The following FAM193A variants were observed in gnomAD, a reference collection of about 807,000 sequenced individuals.
FAM193A encodes the protein protein FAM193A.
FAM193A carries 22 observed loss-of-function variants against 126.5 expected under a neutral mutation model. The observed-to-expected ratio is 0.17, with a 90% CI of 0.12 to 0.25. FAM193A has a LOEUF of 0.25. Ranked by LOEUF, FAM193A falls within the 10% of genes least tolerant of loss-of-function variation. FAM193A has a pLI of 1.00. For missense variants in FAM193A, 1,675 were observed against 1,672.8 expected (o/e 1.00, Z -0.02); for synonymous variants, 761 against 646.8 (o/e 1.18, Z -2.68).
At chr4:2,619,719 T>C (rs372671491) in intron 2 of FAM193A, among the ~76,000 whole-genome samples, 47 of 152,228 alleles carry the variant, frequency 3.1e-4, no homozygotes, top group African/African-American at 1.1e-3. Flanking sequence ...AATGTCTCTC[T>C]CTGTCACCCA....
At chr4:2,636,780 A>C (rs1020940230) in intron 5 of FAM193A, among the ~76,000 whole-genome samples, 10 of 152,138 alleles carry the variant, frequency 6.6e-5, no homozygotes, top group African/African-American at 2.4e-4. Context: ...TTAGCCACAG[A>C]TTGTGTCACT....
intron 12 of FAM193A, 141 bp downstream of exon 12, chr4:2,663,429 C>A (rs1385516338): frequency 4.9e-6 from 3 of 611,902 alleles, no homozygotes; most frequent in Middle Eastern, 4.5e-4. Context: ...GGCATACTTA[C>A]AATCTCCATT....
chr4:2,662,870 C>T lies in FAM193A; in HGVS notation c.1778C>T (p.Ser593Leu), dbSNP rs752797710. 1 of 1,611,610 alleles carries T rather than the reference C, an allele frequency of 6.2e-7. No homozygotes were observed. Among genetic ancestry groups the T allele is most frequent in the Non-Finnish European group, 8.5e-7 (1 of 1,177,922 alleles). The change falls in exon 11 of 21, where the codon TCA becomes TTA. Residue 593 changes from serine to leucine, a missense_variant. This residue lies in a region of FAM193A where 1,186 missense variants were observed against 1,109.2 expected (regional missense o/e 1.07). Coordinates refer to ENST00000637812, the MANE Select transcript of FAM193A (RefSeq NM_001366318.2). The stretch of plus-strand genomic sequence containing the variant: ...GATGATGAAGATGTTGCACCATTGT[C>T]AGCCAAATTTGCTGATATTTATCCA... ...CSDDEDVAPL[S>L]AKFADIYPLS... is the part of the protein sequence containing the mutation.
chr4:2,628,234 C>T (rs148638992), intron 4 of FAM193A, among the ~76,000 whole-genome samples: 1 of 152,192 alleles, frequency 6.6e-6, no homozygotes, highest in African/African-American at 2.4e-5. Context: ...TTCCTGGAGG[C>T]AGGGATAGTG....
intron 1 of FAM193A, among the ~76,000 whole-genome samples, chr4:2,581,270 T>TG (rs1253594975): frequency 6.8e-6 from 1 of 147,898 alleles, no homozygotes; most frequent in Non-Finnish European, 1.5e-5. Context: ...TTTTTTTTTT[T>TG]GGAGGTGGAG....
chr4:2,554,271 G>T (rs538125953), intron 1 of FAM193A, among the ~76,000 whole-genome samples: 3 of 152,108 alleles, frequency 2.0e-5, no homozygotes, highest in African/African-American at 7.2e-5. Context: ...TTTTAGTAGA[G>T]ACGGGATTTC....
At chr4:2,649,293 T>A (rs892550404) in intron 7 of FAM193A, among the ~76,000 whole-genome samples, 1 of 149,736 alleles carries the variant, frequency 6.7e-6, no homozygotes, top group Non-Finnish European at 1.5e-5. Context: ...GAGGATCACT[T>A]AAGACCAAGA....
chr4:2,566,828 A>G (rs533867255), intron 1 of FAM193A, among the ~76,000 whole-genome samples: 6 of 152,370 alleles, frequency 3.9e-5, no homozygotes, highest in Non-Finnish European at 7.3e-5. Context: ...TCCTTTTGTA[A>G]CAATAGTGTC....
intron 20 of FAM193A, among the ~76,000 whole-genome samples, 181 bp from the exon 21 acceptor site, chr4:2,731,594 C>T (rs937480212): frequency 1.3e-4 from 20 of 152,034 alleles, no homozygotes; most frequent in African/African-American, 4.6e-4. Context: ...TTCCCCTTCT[C>T]AAGTGCAGCC....
At chr4:2,565,280 A>AG (rs1738873900) in intron 1 of FAM193A, among the ~76,000 whole-genome samples, 1 of 14,556 alleles carries the variant, frequency 6.9e-5, no homozygotes, top group Non-Finnish European at 1.4e-4. Context: ...TTTTTTTAAA[A>AG]GATGCAGTCT....
At chr4:2,682,203 C>T (rs1031380254) in intron 13 of FAM193A, among the ~76,000 whole-genome samples, 3 of 152,090 alleles carry the variant, frequency 2.0e-5, no homozygotes, top group African/African-American at 7.2e-5. Context: ...CCAGGATGGT[C>T]TCGATCTCCT....
At chr4:2,545,921 G>C (rs1343262750) in intron 1 of FAM193A, among the ~76,000 whole-genome samples, 1 of 152,084 alleles carries the variant, frequency 6.6e-6, no homozygotes, top group Non-Finnish European at 1.5e-5. Flanking sequence ...AGGCTGAGGC[G>C]GGCGGATTAT....
At chr4:2,655,726 T>C (rs1711596983) in intron 7 of FAM193A, among the ~76,000 whole-genome samples, 1 of 150,830 alleles carries the variant, frequency 6.6e-6, no homozygotes, top group African/African-American at 2.4e-5. Context: ...AGCCCAGGAG[T>C]TTGAGGCCAA....
intron 5 of FAM193A, among the ~76,000 whole-genome samples, chr4:2,638,151 A>G (rs891239469): frequency 1.8e-4 from 27 of 152,168 alleles, no homozygotes; most frequent in African/African-American, 6.0e-4. Context: ...CTAGTTGCCA[A>G]CCTGGTCTGA....
chr4:2,575,748 G>C (rs1434159990), intron 1 of FAM193A, among the ~76,000 whole-genome samples: 2 of 152,006 alleles, frequency 1.3e-5, no homozygotes, highest in Admixed American at 1.3e-4. Context: ...TTACAGACGT[G>C]AGCCATCGCG....
chr4:2,542,348 C>G (rs917255674), intron 1 of FAM193A, among the ~76,000 whole-genome samples: 1 of 152,058 alleles, frequency 6.6e-6, no homozygotes, highest in Non-Finnish European at 1.5e-5. Flanking sequence ...CCTTGTTGGC[C>G]AAGCTGGTCT....
At position 2,670,446 on chromosome 4, in the gene FAM193A, C is replaced by A. The variant is rs558659366; in HGVS notation, c.2080-1675C>A. 5.3e-5 allele frequency among the ~76,000 whole-genome samples: 8 copies of A among 152,182 alleles called. No homozygotes were observed. In the East Asian group the frequency reaches 1.3e-3, roughly 26 times the overall value. On this transcript the variant is annotated intron_variant, in intron 12 of 20. Transcript: ENST00000637812. ...TAACCGTTTGACTATTTATTTCCTGCATGTGGGTCACACTTTTTTTTTTCC... is the reference window on the plus strand; with the variant it reads ...TAACCGTTTGACTATTTATTTCCTGAATGTGGGTCACACTTTTTTTTTTCC...
chr4:2,726,921 G>A (rs1469277311), intron 20 of FAM193A, among the ~76,000 whole-genome samples: 1 of 135,344 alleles, frequency 7.4e-6, no homozygotes, highest in Non-Finnish European at 1.5e-5. Context: ...TTACACTCCA[G>A]CCTGGGCAAC....
chr4:2,592,405 A>T (rs1740622988), intron 1 of FAM193A, among the ~76,000 whole-genome samples: 4 of 152,158 alleles, frequency 2.6e-5, no homozygotes, highest in South Asian at 4.1e-4. Flanking sequence ...TTTATTTTTT[A>T]AAAATATCAA....
Sources: gnomAD v4.1 joint callset for allele counts (sites outside exome capture counted in the v4.1 genomes callset) on GRCh38, gnomAD v4.1.1 for gene constraint, gnomAD v4.1.1 regional missense constraint, MANE v1.5 for transcripts, NCBI Gene and HGNC (gene_info 2026-07-23, HGNC 2026-07-21) for gene names.